The following MMEL1 variants were observed in gnomAD, a reference collection of about 807,000 sequenced individuals.
MMEL1 encodes membrane metalloendopeptidase like 1, also known as membrane metallo-endopeptidase-like 1.
MMEL1 carries 98 observed loss-of-function variants against 117.1 expected under a neutral mutation model. The observed-to-expected ratio is 0.84, with a 90% CI of 0.71 to 0.99. The LOEUF (loss-of-function observed/expected upper bound fraction) is 0.99, where lower values mean the gene tolerates loss of function less well. MMEL1 is among the 50% of genes least tolerant of loss of function. The probability of loss-of-function intolerance (pLI) is 0.00; values close to 1 mark genes in which losing one functional copy is unlikely to be tolerated. For synonymous variants in MMEL1, 390 were observed against 415.1 expected (o/e 0.94, Z 0.74); for missense variants, 1,014 against 1,049.1 (o/e 0.97, Z 0.46).
At chr1:2,620,304 A>T (rs1376410615) in intron 2 of MMEL1, among the ~76,000 whole-genome samples, 1 of 152,230 alleles carries the variant, frequency 6.6e-6, no homozygotes, top group East Asian at 1.9e-4. Context: ...AGAGAAAATA[A>T]CAGCTCAGAC....
intron 1 of MMEL1, among the ~76,000 whole-genome samples, chr1:2,630,744 C>G (rs549273786): frequency 7.0e-6 from 1 of 143,632 alleles, no homozygotes; most frequent in East Asian, 2.1e-4. Context: ...TGCGTGTGCT[C>G]TCATGTGTGC....
At chr1:2,628,116 G>GAAC (rs1421704902) in intron 2 of MMEL1, among the ~76,000 whole-genome samples, 1 of 152,222 alleles carries the variant, frequency 6.6e-6, no homozygotes, top group Non-Finnish European at 1.5e-5. Context: ...AGCAGGCTCT[G>GAAC]AACAGAGCTT....
In MMEL1 at chr1:2,630,929, G is replaced by A. The variant is rs367811855; in HGVS notation, c.-37-1408C>T. Among the ~76,000 whole-genome samples, 33 of 148,240 alleles carry A rather than the reference G, an allele frequency of 2.2e-4. 1 individual carries two copies. The highest frequency in any genetic ancestry group is 8.0e-4 in the African/African-American group (32 of 39,992). On this transcript the variant is annotated intron_variant, in intron 1 of 23. Transcript: ENST00000378412. ...CTCTTGTGTGTGCATGTGCATGATT[G>A]TGTGCGTGGATATGCACGTGTGTGC...
Position 2,609,800 on chromosome 1 carries a change from G to A in MMEL1, c.324C>T (p.Thr108=). ...AARILQNMDP[T]TEPCDDFYQF... ...GGTAGAAGTCGTCACACGGTTCCGTGGTCGGGTCCATGTTCTGGAGGATCC... is the reference window on the plus strand; with the variant it reads ...GGTAGAAGTCGTCACACGGTTCCGTAGTCGGGTCCATGTTCTGGAGGATCC... The change falls in exon 5 of 24, where the codon ACC becomes ACT. Residue 108 remains threonine, a synonymous_variant. Coordinates refer to ENST00000378412, the MANE Select transcript of MMEL1 (RefSeq NM_033467.4). 6.2e-7 allele frequency: 1 copy of A among 1,612,962 alleles called. No homozygotes were observed. Among genetic ancestry groups the A allele is most frequent in the Non-Finnish European group, 8.5e-7 (1 of 1,179,488 alleles).
At chr1:2,608,621 CAT>C (rs1045939034) in intron 6 of MMEL1, among the ~76,000 whole-genome samples, 1 of 152,008 alleles carries the variant, frequency 6.6e-6, no homozygotes, top group African/African-American at 2.4e-5. Context: ...ATAACACACA[CAT>C]ACATGCACAC....
chr1:2,619,275 T>C (rs1319835093), intron 2 of MMEL1, among the ~76,000 whole-genome samples: 1 of 152,196 alleles, frequency 6.6e-6, no homozygotes, highest in African/African-American at 2.4e-5. Context: ...CAATAAATCA[T>C]TGTTTTATGC....
rs559978146 is a variant in MMEL1, at chr1:2,606,361, C to G, written c.637G>C (p.Glu213Gln). 2.6e-5 allele frequency: 42 copies of G among 1,611,098 alleles called. No individual in the cohort carries two copies. The highest frequency in any genetic ancestry group is 3.2e-5 in the Non-Finnish European group (38 of 1,179,566). The change falls in exon 8 of 24, where the codon GAG becomes CAG. Residue 213 changes from glutamate (E) to glutamine (Q), a missense_variant. Coordinates refer to ENST00000378412, the MANE Select transcript of MMEL1 (RefSeq NM_033467.4). ...MDRWNETVGL[E>Q]WELERQLALM... Reference sequence around the variant, plus strand: ...GCCAGCTGCCGCTCCAGCTCCCACTCGAGTCCTGGGGAGACAGTGCCCCGC... The same window carrying G: ...GCCAGCTGCCGCTCCAGCTCCCACTGGAGTCCTGGGGAGACAGTGCCCCGC...
In MMEL1 at chr1:2,601,669, C is replaced by T. The variant is rs79054662; in HGVS notation, c.1041+2215G>A. On this transcript the variant is annotated intron_variant, in intron 11 of 23. Coordinates refer to ENST00000378412, the MANE Select transcript of MMEL1 (RefSeq NM_033467.4). Reference sequence around the variant, plus strand: ...GAGAACATTTGTACACATAAGCTGACCAAGGAGTCACATCTAAAATAGGTA... The same window carrying T: ...GAGAACATTTGTACACATAAGCTGATCAAGGAGTCACATCTAAAATAGGTA... Among the ~76,000 whole-genome samples the T allele has an allele frequency of 3.2e-3, 491 of 152,302 alleles. 15 individuals carry two copies. In the East Asian group the frequency reaches 0.049, roughly 15 times the overall value.
At chr1:2,599,965 C>CTTTT (rs201498454) in intron 11 of MMEL1, among the ~76,000 whole-genome samples, 2,138 of 151,972 alleles carry the variant, frequency 0.014, 24 homozygotes, top group Admixed American at 0.025. Flanking sequence ...GCAAACATAA[C>CTTTT]TTTTTTTTAA....
intron 10 of MMEL1, 22 bp from the exon 11 acceptor site, chr1:2,603,995 C>T (rs370922474): frequency 6.8e-5 from 109 of 1,612,382 alleles, no homozygotes; most frequent in Non-Finnish European, 1.4e-5. Context: ...ATAGCAGTCA[C>T]ACGGGCGGGT....
In MMEL1 at chr1:2,604,669, C is replaced by G. The variant is rs561088655; in HGVS notation, c.817-388G>C. ...GGTGCCGGGGTGGTGGGTGCCAGGG[C>G]TAATTTGGGCTTCCCTACCCAGGTG... On this transcript the variant is annotated intron_variant, in intron 9 of 23. Transcript: ENST00000378412. 2.0e-5 allele frequency among the ~76,000 whole-genome samples: 3 copies of G among 152,166 alleles called. No homozygotes were observed. In the East Asian group the frequency reaches 5.8e-4, roughly 29 times the overall value.
chr1:2,604,281 C>T lies in MMEL1; in HGVS notation c.817G>A (p.Val273Met). The T allele has an allele frequency of 6.2e-7, 1 of 1,612,574 alleles. No homozygotes were observed. Among genetic ancestry groups the T allele is most frequent in the South Asian group, 1.1e-5 (1 of 91,056 alleles). Residue 273 changes from valine (V) to methionine (M), a missense_variant and splice_region_variant, in exon 10 of 24, where the codon GTG becomes ATG. Val to Met is a conservative substitution (Grantham distance 21). Transcript: ENST00000378412. ...ATGAACTGCAGGTAGGCTTCCCGCA[C>T]CTGGGCCAAAGGACGCCGGGCAGAG... ...YYFNGGSNRK[V>M]REAYLQFMVS...
Position 2,595,273 on chromosome 1 carries a change from C to G in MMEL1, c.1584+3G>C. 1.2e-6 allele frequency: 2 copies of G among 1,613,204 alleles called. No homozygotes were observed. Among genetic ancestry groups the G allele is most frequent in the Non-Finnish European group, 1.7e-6 (2 of 1,179,724 alleles). On this transcript the variant is annotated splice_donor_region_variant and intron_variant, in intron 16 of 23. Coordinates refer to ENST00000378412, the MANE Select transcript of MMEL1 (RefSeq NM_033467.4). This position sits in a 1 kb window ranked among gnomAD's most constrained non-coding sequence, Gnocchi z 4.8. ...CAGTTTAGGGCTGGGGTTGGGGGCG[C>G]ACATTGGAGTACTCCTCGTCCAGGC...
rs375084628 is a variant in MMEL1, at chr1:2,623,164, TA to T, written c.154+6166del. 9.2e-3 allele frequency among the ~76,000 whole-genome samples: 1,215 copies of T among 132,512 alleles called. 7 individuals are homozygous for T. The highest frequency in any genetic ancestry group is 0.015 in the African/African-American group (534 of 35,752). The allele number at this position is 132,512 out of a possible 152,430, so 86.9% of individuals were successfully genotyped here. On this transcript the variant is annotated intron_variant, in intron 2 of 23. Transcript: ENST00000378412. The stretch of plus-strand genomic sequence containing the variant: ...AGCCTGGCAACAGAGTGACTCCGTC[TA>T]AAAAAAAAAAAAAACCAAGTTCTTA...
Position 2,612,069 on chromosome 1 carries a change from C to T in MMEL1, c.232+58G>A. The T allele has an allele frequency of 6.9e-7, 1 of 1,446,134 alleles. No homozygotes were observed. Among genetic ancestry groups the T allele is most frequent in the Non-Finnish European group, 9.5e-7 (1 of 1,050,088 alleles). The allele number at this position is 1,446,134 out of a possible 1,614,324, so 89.6% of individuals were successfully genotyped here. On this transcript the variant is annotated intron_variant, in intron 3 of 23. Transcript: ENST00000378412. The surrounding 1 kb of genome is among the most constrained non-coding windows in gnomAD (Gnocchi z 5.4). ...CTGCCCCTCCACGGAGTCCCCCCACCTTGGGAGGCCAGCGCCCACCTGCCT... is the reference window on the plus strand; with the variant it reads ...CTGCCCCTCCACGGAGTCCCCCCACTTTGGGAGGCCAGCGCCCACCTGCCT...
chr1:2,591,838 G>T, intron 22 of MMEL1, 94 bp downstream of exon 22: 2 of 1,316,360 alleles, frequency 1.5e-6, no homozygotes, highest in Non-Finnish European at 2.2e-6. Context: ...GGCCTTCCAT[G>T]CTGGGCTCTG....
At chr1:2,619,281 T>C (rs191997334) in intron 2 of MMEL1, among the ~76,000 whole-genome samples, 1 of 152,356 alleles carries the variant, frequency 6.6e-6, no homozygotes, top group Non-Finnish European at 1.5e-5. Context: ...ATCATTGTTT[T>C]ATGCCAGTGA....
chr1:2,597,741 C>A (rs745771115), intron 13 of MMEL1, among the ~76,000 whole-genome samples: 1 of 152,184 alleles, frequency 6.6e-6, no homozygotes, highest in Non-Finnish European at 1.5e-5. Context: ...AGCACCCCTG[C>A]GGCTTTCAGA....
At chr1:2,628,949 C>A (rs1009427920) in intron 2 of MMEL1, among the ~76,000 whole-genome samples, 12 of 137,212 alleles carry the variant, frequency 8.7e-5, no homozygotes, top group Non-Finnish European at 1.7e-4. Context: ...TGGTCCCCAG[C>A]CGGGGCTGCG....
Sources: gnomAD v4.1 joint callset for allele counts (sites outside exome capture counted in the v4.1 genomes callset) on GRCh38, gnomAD v4.1.1 for gene constraint, Gnocchi (gnomAD v3.1) non-coding constraint, MANE v1.5 for transcripts, NCBI Gene and HGNC (gene_info 2026-07-23, HGNC 2026-07-21) for gene names.